PRKCB: variants seen among roughly 807,000 people sequenced by gnomAD.
The protein encoded by PRKCB is protein kinase C beta.
A neutral mutation model predicts 81.5 loss-of-function variants in PRKCB; 13 were observed. That is an observed-to-expected ratio of 0.16 (90% CI 0.10 to 0.25). The LOEUF (loss-of-function observed/expected upper bound fraction) is 0.25. Ranked by LOEUF, PRKCB falls within the 10% of genes least tolerant of loss-of-function variation. PRKCB has a pLI of 1.00. For missense variants in PRKCB, 509 were observed against 875.7 expected (o/e 0.58, Z 5.29); for synonymous variants, 335 against 321.4 (o/e 1.04, Z -0.45).
intron 13 of PRKCB, among the ~76,000 whole-genome samples, chr16:24,184,033 A>G (rs950231207): frequency 5.9e-5 from 9 of 152,234 alleles, no homozygotes; most frequent in Admixed American, 2.6e-4. Flanking sequence ...ACAAGAATAT[A>G]TGTTACAGCA....
chr16:24,000,459 A>G (rs148798940), intron 3 of PRKCB, among the ~76,000 whole-genome samples: 1 of 152,346 alleles, frequency 6.6e-6, no homozygotes, highest in Non-Finnish European at 1.5e-5. Context: ...GATTCTGCCC[A>G]GATACTCATT....
intron 3 of PRKCB, among the ~76,000 whole-genome samples, chr16:23,995,162 G>A (rs1010410436): frequency 4.6e-5 from 7 of 152,276 alleles, no homozygotes; most frequent in Admixed American, 2.0e-4. Flanking sequence ...TTCTACATCC[G>A]AGAAAGAGAC....
intron 14 of PRKCB, 109 bp from the exon 15 acceptor site, chr16:24,185,351 G>A: frequency 8.2e-7 from 1 of 1,219,600 alleles, no homozygotes; most frequent in South Asian, 1.4e-5. Flanking sequence ...GAAAGCCTGG[G>A]TGTGTGGCTT....
Position 23,865,555 on chromosome 16 carries a change from GTGTGTGTGTGTGTGTATA to G in PRKCB, c.205+28153_205+28170del, listed in dbSNP as rs1365370580. On this transcript the variant is annotated intron_variant, in intron 2 of 16. Transcript: ENST00000643927. ...TGTGTGTGTGTGTGTGTGTGTGTGT[GTGTGTGTGTGTGTGTATA>G]TGTATATTTAAATTTTTATATATAA... Among the ~76,000 whole-genome samples, 113 of 59,394 alleles carry G rather than the reference GTGTGTGTGTGTGTGTATA, an allele frequency of 1.9e-3. 4 individuals are homozygous for G. The highest frequency in any genetic ancestry group is 7.4e-3 in the African/African-American group (107 of 14,390). The allele number at this position is 59,394 out of a possible 152,430, so 39.0% of individuals were successfully genotyped here.
chr16:23,839,128 A>G (rs969227089), intron 2 of PRKCB, among the ~76,000 whole-genome samples: 2 of 152,202 alleles, frequency 1.3e-5, no homozygotes, highest in Admixed American at 1.3e-4. Flanking sequence ...TGGATGGGAA[A>G]GTCACTTTGG....
At chr16:24,209,765 G>A (rs996500148) in intron 16 of PRKCB, among the ~76,000 whole-genome samples, 6 of 151,834 alleles carry the variant, frequency 4.0e-5, no homozygotes, top group Admixed American at 6.6e-5. Flanking sequence ...ATTGTCCCCC[G>A]CTCATTTAAT....
chr16:24,154,084 C>T (rs1967116962), intron 9 of PRKCB, among the ~76,000 whole-genome samples: 1 of 152,228 alleles, frequency 6.6e-6, no homozygotes, highest in African/African-American at 2.4e-5. Context: ...CCTCATGGGG[C>T]TTACCTTCTA....
At chr16:24,085,634 T>C (rs139733837) in intron 5 of PRKCB, among the ~76,000 whole-genome samples, 1 of 152,232 alleles carries the variant, frequency 6.6e-6, no homozygotes, top group African/African-American at 2.4e-5. Flanking sequence ...CAAGAGCCCA[T>C]TTGAGTTGTC....
Position 24,180,208 on chromosome 16 carries a change from G to A in PRKCB, c.1395-582G>A, listed in dbSNP as rs549244907. ...TCCACCTGCCTTGGCCTCCCGAAGTGCTGGAATCGCAGGCGTGAGCCAATG... is the reference window on the plus strand; with the variant it reads ...TCCACCTGCCTTGGCCTCCCGAAGTACTGGAATCGCAGGCGTGAGCCAATG... On this transcript the variant is annotated intron_variant, in intron 12 of 16. Coordinates refer to ENST00000643927, the MANE Select transcript of PRKCB (RefSeq NM_002738.7). Among the ~76,000 whole-genome samples the A allele has an allele frequency of 1.4e-4, 22 of 152,276 alleles. No individual in the cohort carries two copies. In the East Asian group the frequency reaches 3.5e-3, roughly 24 times the overall value.
At chr16:24,211,673 C>T (rs1039913843) in intron 16 of PRKCB, among the ~76,000 whole-genome samples, 1 of 151,766 alleles carries the variant, frequency 6.6e-6, no homozygotes, top group Non-Finnish European at 1.5e-5. Context: ...ATTCTCCTGC[C>T]TCAGCCTCCC....
intron 5 of PRKCB, among the ~76,000 whole-genome samples, chr16:24,086,252 C>T (rs75944135): frequency 0.028 from 4,298 of 152,214 alleles, 92 homozygotes; most frequent in Non-Finnish European, 0.043. Context: ...AAAGAAGCTT[C>T]CAACTTGGGA....
intron 2 of PRKCB, among the ~76,000 whole-genome samples, chr16:23,840,001 G>T (rs1962238381): frequency 6.6e-6 from 1 of 152,218 alleles, no homozygotes; most frequent in Non-Finnish European, 1.5e-5. Flanking sequence ...GTCACTCTGT[G>T]TAGCTGCTTT....
At chr16:24,017,892 ATTTTTTT>A (rs35809970) in intron 3 of PRKCB, among the ~76,000 whole-genome samples, 7 of 113,264 alleles carry the variant, frequency 6.2e-5, no homozygotes, top group Non-Finnish European at 1.3e-4. Flanking sequence ...ACCATAACTA[ATTTTTTT>A]TTTTTTTTTT....
chr16:23,872,028 C>T (rs757773109), intron 2 of PRKCB, among the ~76,000 whole-genome samples: 3 of 152,172 alleles, frequency 2.0e-5, no homozygotes, highest in Non-Finnish European at 4.4e-5. Context: ...TCAGGGGGTG[C>T]TCAACACACA....
At chr16:24,070,147 ATTTT>A (rs761693030) in intron 5 of PRKCB, among the ~76,000 whole-genome samples, 1 of 134,912 alleles carries the variant, frequency 7.4e-6, no homozygotes. Flanking sequence ...AAACCAGGGG[ATTTT>A]TTTTTTTTTT....
chr16:24,060,534 C>T (rs886390632), intron 5 of PRKCB, among the ~76,000 whole-genome samples: 3 of 152,146 alleles, frequency 2.0e-5, no homozygotes, highest in South Asian at 2.1e-4. Flanking sequence ...CACCAGGATC[C>T]CTCTCTCAGC....
intron 5 of PRKCB, among the ~76,000 whole-genome samples, chr16:24,076,984 C>T (rs1254757573): frequency 6.6e-6 from 1 of 152,216 alleles, no homozygotes; most frequent in African/African-American, 2.4e-5. Context: ...CTGCAGCTCT[C>T]TCCTGAGGCA....
chr16:24,213,422 A>G (rs1596602761), intron 16 of PRKCB, among the ~76,000 whole-genome samples: 4 of 152,324 alleles, frequency 2.6e-5, no homozygotes, highest in South Asian at 2.1e-4. Flanking sequence ...TGCTGAGATT[A>G]TGAACAAATT....
At chr16:24,002,129 G>A (rs1306763137) in intron 3 of PRKCB, among the ~76,000 whole-genome samples, 3 of 152,118 alleles carry the variant, frequency 2.0e-5, no homozygotes, top group African/African-American at 7.2e-5. Flanking sequence ...TCAGCTAGTG[G>A]CTGGGCCGAT....
Sources: gnomAD v4.1 joint callset for allele counts (sites outside exome capture counted in the v4.1 genomes callset) on GRCh38, gnomAD v4.1.1 for gene constraint, MANE v1.5 for transcripts, NCBI Gene and HGNC (gene_info 2026-07-23, HGNC 2026-07-21) for gene names.